OBI1: variants seen among roughly 807,000 people sequenced by gnomAD.
OBI1 encodes ring finger protein 219.
A neutral mutation model predicts 62.4 loss-of-function variants in OBI1; 59 were observed. The observed-to-expected ratio is 0.95, with a 90% CI of 0.77 to 1.17. OBI1 has a LOEUF of 1.17. OBI1 is among the 50% of genes most tolerant of loss of function. OBI1 has a pLI of 0.00. For missense variants in OBI1, 875 were observed against 830.9 expected (o/e 1.05, Z -0.65); for synonymous variants, 302 against 292.8 (o/e 1.03, Z -0.32).
chr13:78,658,964 C>T lies in OBI1; in HGVS notation c.72+85G>A, dbSNP rs1034201714. On this transcript the variant is annotated intron_variant, in intron 1 of 5. Transcript: ENST00000282003. ...CCATCTCCGCGCCTCACGCCCCTTC[C>T]CCGCCCCCGCACGAGACGGCCCTCG... is the stretch of plus-strand genomic sequence containing the variant. 3.9e-6 allele frequency: 5 copies of T among 1,279,078 alleles called. No individual in the cohort carries two copies. In the African/African-American group the frequency reaches 4.4e-5, roughly 11 times the overall value. 79.2% of individuals were successfully genotyped at this position (1,279,078 alleles called of 1,614,324 possible). A position where few individuals can be genotyped will look rare whatever the true frequency, so the allele number is the denominator to read the frequency against.
At chr13:78,623,143 CT>C (rs1875560874) in intron 5 of OBI1, among the ~76,000 whole-genome samples, 4 of 151,952 alleles carry the variant, frequency 2.6e-5, no homozygotes, top group Admixed American at 1.3e-4. Context: ...TAAAATTAAG[CT>C]GTCAGTTACA....
intron 1 of OBI1, among the ~76,000 whole-genome samples, chr13:78,648,539 A>C (rs1876455279): frequency 6.6e-6 from 1 of 152,000 alleles, no homozygotes; most frequent in South Asian, 2.1e-4. Flanking sequence ...AAAAAAAAAC[A>C]CATTTAAAAG....
At position 78,616,441 on chromosome 13, in the gene OBI1, T is replaced by G. The variant is rs1875291284; in HGVS notation, c.1320A>C (p.Lys440Asn). Reference protein sequence around the residue: ...DFCDSSNVSNKDSSEDDISRS... With the variant: ...DFCDSSNVSNNDSSEDDISRS... ...TACTTATATCATCTTCTGAAGAATC[T>G]TTATTAGAAACATTTGAAGAATCAC... Residue 440 changes from lysine (K) to asparagine (N), a missense_variant, in exon 6 of 6, where the codon AAA (lysine) becomes AAC (asparagine). Transcript: ENST00000282003. 2 of 1,613,284 alleles carry G rather than the reference T, an allele frequency of 1.2e-6. No homozygotes were observed. Among genetic ancestry groups the G allele is most frequent in the Admixed American group, 1.7e-5 (1 of 59,844 alleles).
Position 78,616,504 on chromosome 13 carries a change from G to A in OBI1, c.1257C>T (p.His419=), listed in dbSNP as rs757026238. 6.2e-7 allele frequency: 1 copy of A among 1,614,114 alleles called. No homozygotes were observed. The highest frequency in any genetic ancestry group is 8.5e-7 in the Non-Finnish European group (1 of 1,180,030). ...SVVQAGGSKK[H]SNHLRKLVFD... ...ACACCAATTTTCTGAGATGGTTTGAGTGCTTTTTGGAACCTCCTGCTTGGA... is the reference window on the plus strand; with the variant it reads ...ACACCAATTTTCTGAGATGGTTTGAATGCTTTTTGGAACCTCCTGCTTGGA... The change falls in exon 6 of 6, where the codon CAC becomes CAT. Residue 419 remains histidine (H), a synonymous_variant. Transcript: ENST00000282003.
chr13:78,655,419 T>C (rs995744763), intron 1 of OBI1, among the ~76,000 whole-genome samples: 2 of 152,178 alleles, frequency 1.3e-5, no homozygotes, highest in Non-Finnish European at 2.9e-5. Context: ...ACCTAACTTC[T>C]TCAGGCCACA....
In OBI1 at chr13:78,655,946, A is replaced by G. The variant is rs1876690333; in HGVS notation, c.72+3103T>C. Reference sequence around the variant, plus strand: ...ATCATACTGAATTTGCTTTCACTATAAAAAAGAAAAGAGACATGGAACCAG... The same window carrying G: ...ATCATACTGAATTTGCTTTCACTATGAAAAAGAAAAGAGACATGGAACCAG... On this transcript the variant is annotated intron_variant, in intron 1 of 5. Coordinates refer to ENST00000282003, the MANE Select transcript of OBI1 (RefSeq NM_024546.4). Among the ~76,000 whole-genome samples the G allele has an allele frequency of 2.6e-5, 4 of 152,158 alleles. 1 individual carries two copies. The South Asian group carries it at 8.3e-4, about 32-fold the overall frequency.
intron 1 of OBI1, among the ~76,000 whole-genome samples, chr13:78,645,614 G>A (rs544009886): frequency 1.3e-5 from 2 of 152,114 alleles, no homozygotes; most frequent in African/African-American, 4.8e-5. Context: ...TTGACTCCAG[G>A]CTCCATTTAA....
chr13:78,628,288 T>C (rs1391805461), intron 5 of OBI1, among the ~76,000 whole-genome samples: 1 of 152,210 alleles, frequency 6.6e-6, no homozygotes, highest in Non-Finnish European at 1.5e-5. Context: ...GCAAGATTAG[T>C]GTTCGGTCAT....
At chr13:78,635,746 A>G (rs1175544778) in intron 4 of OBI1, among the ~76,000 whole-genome samples, 1 of 152,106 alleles carries the variant, frequency 6.6e-6, no homozygotes, top group Non-Finnish European at 1.5e-5. Context: ...GGATCTATCT[A>G]TCTATCTATC....
At chr13:78,617,846 T>A (rs531938399) in intron 5 of OBI1, among the ~76,000 whole-genome samples, 57 of 151,360 alleles carry the variant, frequency 3.8e-4, no homozygotes, top group Admixed American at 1.2e-3. Context: ...AAAAAAAAAA[T>A]TTTTTTGTAC....
chr13:78,658,918 A>G, intron 1 of OBI1, 131 bp downstream of exon 1: 1 of 712,010 alleles, frequency 1.4e-6, no homozygotes, highest in Non-Finnish European at 2.4e-6. Context: ...TCCCATCAAG[A>G]ACGCGGGTTA....
chr13:78,631,417 C>G (rs1593791248), intron 5 of OBI1, among the ~76,000 whole-genome samples: 1 of 152,246 alleles, frequency 6.6e-6, no homozygotes, highest in Non-Finnish European at 1.5e-5. Context: ...TTGTTCCAAG[C>G]ATCTAGCACA....
At chr13:78,647,830 T>TCC (rs1876429771) in intron 1 of OBI1, among the ~76,000 whole-genome samples, 1 of 152,116 alleles carries the variant, frequency 6.6e-6, no homozygotes, top group African/African-American at 2.4e-5. Flanking sequence ...CAAAGAGCTC[T>TCC]GGTCTCAGTC....
At chr13:78,648,497 G>A (rs899247139) in intron 1 of OBI1, among the ~76,000 whole-genome samples, 13 of 151,984 alleles carry the variant, frequency 8.6e-5, no homozygotes, top group African/African-American at 3.1e-4. Context: ...CATTATATGA[G>A]AGGATTCAAG....
At chr13:78,637,856 G>A (rs1876076153) in intron 4 of OBI1, among the ~76,000 whole-genome samples, 1 of 152,042 alleles carries the variant, frequency 6.6e-6, no homozygotes, top group Non-Finnish European at 1.5e-5. Flanking sequence ...TTTTATATGT[G>A]GAAGATGGCT....
intron 1 of OBI1, among the ~76,000 whole-genome samples, chr13:78,658,783 G>C (rs975765496): frequency 1.3e-5 from 2 of 152,178 alleles, no homozygotes; most frequent in Non-Finnish European, 2.9e-5. Context: ...GTGAGGCCGC[G>C]GGCGGTGGCA....
intron 5 of OBI1, among the ~76,000 whole-genome samples, chr13:78,623,093 T>C (rs561751537): frequency 2.8e-4 from 43 of 152,282 alleles, no homozygotes; most frequent in African/African-American, 9.9e-4. Context: ...TGCTGAGCTA[T>C]ATAATTTGCC....
intron 1 of OBI1, among the ~76,000 whole-genome samples, chr13:78,656,792 A>ATTTTTTTTTTTTTTTTT (rs869148028): frequency 1.5e-5 from 1 of 67,196 alleles, no homozygotes; most frequent in African/African-American, 6.5e-5. Context: ...TTTATTTTTA[A>ATTTTTTTTTTTTTTTTT]TTTTTTTTTT....
chr13:78,654,090 C>T (rs1038489380), intron 1 of OBI1, among the ~76,000 whole-genome samples: 1 of 151,734 alleles, frequency 6.6e-6, no homozygotes, highest in African/African-American at 2.4e-5. Flanking sequence ...AACTGGTTCC[C>T]CATTCCTGTC....
Sources: gnomAD v4.1 joint callset for allele counts (sites outside exome capture counted in the v4.1 genomes callset) on GRCh38, gnomAD v4.1.1 for gene constraint, MANE v1.5 for transcripts, NCBI Gene and HGNC (gene_info 2026-07-23, HGNC 2026-07-21) for gene names.